The following ZNRF3 variants were observed in gnomAD, a reference collection of about 807,000 sequenced individuals.
The protein encoded by ZNRF3 is E3 ubiquitin-protein ligase ZNRF3.
ZNRF3 carries 23 observed loss-of-function variants against 72.5 expected under a neutral mutation model. That is an observed-to-expected ratio of 0.32 (90% CI 0.23 to 0.45). ZNRF3 has a LOEUF of 0.45. Among genes scored for constraint, ZNRF3 ranks in the 20% least tolerant of loss-of-function variants. The pLI is 1.00. For missense variants in ZNRF3, 1,169 were observed against 1,272.1 expected, an observed-to-expected ratio of 0.92 and a Z score of 1.23; for synonymous variants, 610 against 545.3, an observed-to-expected ratio of 1.12 and a Z score of -1.65.
At chr22:28,932,478 T>C (rs1453065190) in intron 1 of ZNRF3, among the ~76,000 whole-genome samples, 1 of 152,152 alleles carries the variant, frequency 6.6e-6, no homozygotes, top group African/African-American at 2.4e-5. Flanking sequence ...CCTGTTGGCA[T>C]GTACAGAGAA....
At chr22:28,899,478 C>T (rs955335452) in intron 1 of ZNRF3, among the ~76,000 whole-genome samples, 17 of 152,220 alleles carry the variant, frequency 1.1e-4, no homozygotes, top group African/African-American at 3.9e-4. Flanking sequence ...TGGTTAGGGA[C>T]CACGGTGACT....
chr22:28,955,034 T>TG (rs1255726153), intron 1 of ZNRF3, among the ~76,000 whole-genome samples: 1 of 142,968 alleles, frequency 7.0e-6, no homozygotes, highest in Admixed American at 6.7e-5. Context: ...TTTTTGGTGT[T>TG]TTTTTTTTTT....
At chr22:28,958,285 A>G (rs59431960) in intron 1 of ZNRF3, among the ~76,000 whole-genome samples, 1 of 152,384 alleles carries the variant, frequency 6.6e-6, no homozygotes, top group East Asian at 1.9e-4. Flanking sequence ...GAAACTTAGT[A>G]ACCACTTGGT....
At chr22:28,969,288 G>A (rs1008467639) in intron 1 of ZNRF3, among the ~76,000 whole-genome samples, 1 of 152,040 alleles carries the variant, frequency 6.6e-6, no homozygotes, top group Admixed American at 6.5e-5. Flanking sequence ...ATTCATCTTT[G>A]CTTTATTCTG....
At chr22:28,905,852 G>A (rs2034196845) in intron 1 of ZNRF3, among the ~76,000 whole-genome samples, 1 of 152,198 alleles carries the variant, frequency 6.6e-6, no homozygotes, top group African/African-American at 2.4e-5. Context: ...GATTCTGAGC[G>A]ATAAGATATT....
chr22:29,018,275 T>A (rs2036471638), intron 2 of ZNRF3: 1 of 253,630 alleles, frequency 3.9e-6, no homozygotes, highest in Non-Finnish European at 8.1e-6. Flanking sequence ...AGAGCCCACT[T>A]GAAAATGATT....
chr22:28,971,515 C>T (rs1401042252), intron 1 of ZNRF3, among the ~76,000 whole-genome samples: 1 of 152,110 alleles, frequency 6.6e-6, no homozygotes, highest in African/African-American at 2.4e-5. Flanking sequence ...GCCTCGTACG[C>T]CCTAATTGTG....
intron 1 of ZNRF3, among the ~76,000 whole-genome samples, chr22:28,943,155 C>T (rs1473586014): frequency 6.6e-6 from 1 of 152,164 alleles, no homozygotes; most frequent in Non-Finnish European, 1.5e-5. Context: ...TGCTGCTGGT[C>T]TGATGTTTTT....
chr22:28,962,020 T>C (rs1365598089), intron 1 of ZNRF3, among the ~76,000 whole-genome samples: 1 of 152,240 alleles, frequency 6.6e-6, no homozygotes, highest in African/African-American at 2.4e-5. Flanking sequence ...TAAGAATACA[T>C]GTGGACTTTC....
chr22:28,888,138 T>A (rs1021042468), intron 1 of ZNRF3, among the ~76,000 whole-genome samples: 1 of 152,174 alleles, frequency 6.6e-6, no homozygotes, highest in Non-Finnish European at 1.5e-5. Context: ...ACTAAGTCAG[T>A]TCCTTTAGCT....
intron 1 of ZNRF3, among the ~76,000 whole-genome samples, chr22:28,888,516 A>G (rs559009438): frequency 6.6e-6 from 1 of 152,290 alleles, no homozygotes; most frequent in African/African-American, 2.4e-5. Context: ...GTGATGTTAT[A>G]CATTCTTAGA....
At chr22:28,904,071 T>C (rs1426762382) in intron 1 of ZNRF3, among the ~76,000 whole-genome samples, 1 of 151,870 alleles carries the variant, frequency 6.6e-6, no homozygotes, top group African/African-American at 2.4e-5. Flanking sequence ...CTTGTTCTTA[T>C]CTAGTCTAAA....
At chr22:28,906,951 T>A (rs1468122565) in intron 1 of ZNRF3, among the ~76,000 whole-genome samples, 1 of 152,072 alleles carries the variant, frequency 6.6e-6, no homozygotes, top group East Asian at 1.9e-4. Context: ...GAAGAAAGAT[T>A]TTCACGGAGT....
chr22:29,025,939 C>T (rs147328608), intron 2 of ZNRF3: 1 of 152,330 alleles, frequency 6.6e-6, no homozygotes, highest in African/African-American at 2.4e-5. Context: ...ATTATTGTTA[C>T]ACCCCGGATG....
chr22:28,916,112 A>G (rs1201417103), intron 1 of ZNRF3, among the ~76,000 whole-genome samples: 1 of 152,192 alleles, frequency 6.6e-6, no homozygotes, highest in East Asian at 1.9e-4. Flanking sequence ...CCCAGGCCAG[A>G]GTACAATGGT....
intron 6 of ZNRF3, among the ~76,000 whole-genome samples, chr22:29,047,781 G>A (rs2037102796): frequency 6.6e-6 from 1 of 152,202 alleles, no homozygotes; most frequent in African/African-American, 2.4e-5. Flanking sequence ...AGATGCTTAG[G>A]CTTAGGAACT....
chr22:29,018,116 C>T, intron 2 of ZNRF3: 1 of 514,494 alleles, frequency 1.9e-6, no homozygotes. Context: ...CAAACTGGAT[C>T]CAAAGGAGAG....
chr22:29,020,776 G>GTGTGTGT (rs1569284219), intron 2 of ZNRF3, among the ~76,000 whole-genome samples: 29 of 86,154 alleles, frequency 3.4e-4, no homozygotes, highest in African/African-American at 8.6e-4. Context: ...TGTGTGTGTG[G>GTGTGTGT]GTGTGTGTGT....
Position 29,029,796 on chromosome 22 carries a change from A to G in ZNRF3, c.427-12699A>G, listed in dbSNP as rs563060735. On this transcript the variant is annotated intron_variant, in intron 2 of 8. Coordinates refer to ENST00000544604, the MANE Select transcript of ZNRF3 (RefSeq NM_001206998.2). ...TGTGAGGAACTCAGCCTTCAGAGAGAGCCTGCCCGCCGCCTCTCATCCTCC... is the reference window on the plus strand; with the variant it reads ...TGTGAGGAACTCAGCCTTCAGAGAGGGCCTGCCCGCCGCCTCTCATCCTCC... Among the ~76,000 whole-genome samples, 18 of 152,238 alleles carry G rather than the reference A, an allele frequency of 1.2e-4. No homozygotes were observed. In the South Asian group the frequency reaches 3.5e-3, roughly 30 times the overall value.
Sources: allele counts gnomAD v4.1 joint callset (sites outside exome capture counted in the v4.1 genomes callset), GRCh38; gene constraint gnomAD v4.1.1; transcripts MANE v1.5; gene names NCBI Gene and HGNC (gene_info 2026-07-23, HGNC 2026-07-21).